EPHA4: variants seen among roughly 807,000 people sequenced by gnomAD.
EPHA4 encodes ephrin type-A receptor 4.
A neutral mutation model predicts 108.3 loss-of-function variants in EPHA4; 19 were observed. That is an observed-to-expected ratio of 0.18 (90% CI 0.12 to 0.26). EPHA4 has a LOEUF of 0.26. EPHA4 is among the 10% of genes least tolerant of loss of function. The pLI is 1.00. For missense variants in EPHA4, 917 were observed against 1,254.0 expected (o/e 0.73, Z 4.06); for synonymous variants, 449 against 455.5 (o/e 0.99, Z 0.18).
At chr2:221,442,688 A>G in intron 11 of EPHA4, 141 bp downstream of exon 11, 1 of 813,586 alleles carries the variant, frequency 1.2e-6, no homozygotes. Flanking sequence ...TGACTACAAG[A>G]TTAATGACTT....
intron 3 of EPHA4, among the ~76,000 whole-genome samples, chr2:221,554,189 A>G (rs1433275999): frequency 6.6e-6 from 1 of 152,178 alleles, no homozygotes; most frequent in Non-Finnish European, 1.5e-5. Flanking sequence ...CTGCTCTTTA[A>G]TCCTAATAAT....
chr2:221,508,751 G>T lies in EPHA4; in HGVS notation c.824-7579C>A, dbSNP rs967971325. On this transcript the variant is annotated intron_variant, in intron 3 of 17. Transcript: ENST00000281821. ...TATAGAAATGGGTAGCTGCCAAAGA[G>T]AAAGGAAAAGAGATGAAGCTCTCAC... Among the ~76,000 whole-genome samples the T allele has an allele frequency of 7.2e-5, 11 of 152,118 alleles. 1 individual carries two copies. Among genetic ancestry groups the T allele is most frequent in the African/African-American group, 2.7e-4 (11 of 41,438 alleles).
intron 16 of EPHA4, 150 bp from the exon 17 acceptor site, chr2:221,426,292 A>T: frequency 9.9e-7 from 1 of 1,012,392 alleles, no homozygotes; most frequent in Non-Finnish European, 1.4e-6. Flanking sequence ...TAAGCAATTT[A>T]ATGCAAGAAT....
chr2:221,500,592 A>C (rs1202965364), intron 4 of EPHA4, among the ~76,000 whole-genome samples: 1 of 152,200 alleles, frequency 6.6e-6, no homozygotes, highest in Non-Finnish European at 1.5e-5. Flanking sequence ...GTGTAATGAC[A>C]ACCTAAGCAA....
At chr2:221,433,223 G>A (rs948231633) in intron 14 of EPHA4, among the ~76,000 whole-genome samples, 6 of 152,148 alleles carry the variant, frequency 3.9e-5, no homozygotes, top group African/African-American at 1.4e-4. Context: ...GTTGTTGGAG[G>A]AAGACAAGGC....
rs373522712 is a variant in EPHA4 at position 221,482,040 on chromosome 2, G to A, written c.1318+312C>T. Among the ~76,000 whole-genome samples, 25 of 152,214 alleles carry A rather than the reference G, an allele frequency of 1.6e-4. No individual in the cohort carries two copies. The South Asian group carries it at 4.8e-3, about 29-fold the overall frequency. Reference sequence around the variant, plus strand: ...CCACCTGAGCCTCCTGAGTAGCTGGGACTACAGGTTTGTACCACCATGCCT... The same window carrying A: ...CCACCTGAGCCTCCTGAGTAGCTGGAACTACAGGTTTGTACCACCATGCCT... On this transcript the variant is annotated intron_variant, in intron 5 of 17. Transcript: ENST00000281821.
In EPHA4 at chr2:221,418,814, C is replaced by G. The variant is rs1689660754; in HGVS notation, c.*2558G>C. The G allele has an allele frequency of 6.6e-6, 1 of 152,530 alleles. No homozygotes were observed. Among genetic ancestry groups the G allele is most frequent in the African/African-American group, 2.4e-5 (1 of 41,422 alleles). The allele number at this position is 152,530 out of a possible 1,614,324, so 9.4% of individuals were successfully genotyped here. A position where few individuals can be genotyped will look rare whatever the true frequency, so the allele number is the denominator to read the frequency against. On this transcript the variant is annotated 3_prime_UTR_variant, in exon 18 of 18. Transcript: ENST00000281821. ...CCAGACCCTGAAGTTGGCCTCCTAC[C>G]CTTACCTCTGGAAAAGATGAACTGC...
intron 3 of EPHA4, among the ~76,000 whole-genome samples, chr2:221,548,429 C>T (rs1024759039): frequency 6.6e-6 from 1 of 152,108 alleles, no homozygotes; most frequent in Non-Finnish European, 1.5e-5. Flanking sequence ...CATGTGAATG[C>T]CTGTTCGCCT....
At chr2:221,552,793 G>A (rs1028887231) in intron 3 of EPHA4, among the ~76,000 whole-genome samples, 4 of 152,104 alleles carry the variant, frequency 2.6e-5, no homozygotes, top group Admixed American at 6.5e-5. Context: ...AATTTTGATC[G>A]AGAAATTTGA....
At chr2:221,468,913 T>C (rs1691395754) in intron 5 of EPHA4, among the ~76,000 whole-genome samples, 1 of 152,284 alleles carries the variant, frequency 6.6e-6, no homozygotes, top group South Asian at 2.1e-4. Context: ...TGATAACTAA[T>C]TCAGAAGTGT....
chr2:221,451,677 A>G (rs1487915774), intron 8 of EPHA4, among the ~76,000 whole-genome samples: 1 of 152,226 alleles, frequency 6.6e-6, no homozygotes, highest in Non-Finnish European at 1.5e-5. Flanking sequence ...CTGAAATTAT[A>G]TCTTGAGTGA....
In EPHA4 at chr2:221,510,084, C is replaced by T. The variant is rs527292490; in HGVS notation, c.824-8912G>A. ...ATTCCTATAGCACAGTGCATGGCTG[C>T]AAGAGGGGAAGATGGAAATGACCAA... On this transcript the variant is annotated intron_variant, in intron 3 of 17. Coordinates refer to ENST00000281821, the MANE Select transcript of EPHA4 (RefSeq NM_004438.5). Among the ~76,000 whole-genome samples, 164 of 152,264 alleles carry T rather than the reference C, an allele frequency of 1.1e-3. No homozygotes were observed. In the Middle Eastern group the frequency reaches 0.017, roughly 16 times the overall value.
chr2:221,489,081 G>A (rs575627047), intron 4 of EPHA4, among the ~76,000 whole-genome samples: 1 of 152,270 alleles, frequency 6.6e-6, no homozygotes, highest in Admixed American at 6.5e-5. Flanking sequence ...CCTAAAGTCA[G>A]AAATGTCTCC....
In EPHA4 at chr2:221,554,279, G is replaced by C. The variant is rs892814270; in HGVS notation, c.823+9452C>G. 2.0e-5 allele frequency among the ~76,000 whole-genome samples: 3 copies of C among 152,202 alleles called. No homozygotes were observed. In the South Asian group the frequency reaches 6.2e-4, roughly 32 times the overall value. On this transcript the variant is annotated intron_variant, in intron 3 of 17. Coordinates refer to ENST00000281821, the MANE Select transcript of EPHA4 (RefSeq NM_004438.5). ...CAAAACCAAAGCTCTTCCACATTTAGATGTTGTTTTAACTGACTTTGCTTT... is the reference window on the plus strand; with the variant it reads ...CAAAACCAAAGCTCTTCCACATTTACATGTTGTTTTAACTGACTTTGCTTT...
At chr2:221,559,945 A>G (rs1313973115) in intron 3 of EPHA4, among the ~76,000 whole-genome samples, 1 of 152,216 alleles carries the variant, frequency 6.6e-6, no homozygotes, top group South Asian at 2.1e-4. Context: ...CCTCTGCTTC[A>G]GAGGGCAAAG....
intron 3 of EPHA4, among the ~76,000 whole-genome samples, chr2:221,539,745 G>A (rs1363594786): frequency 6.6e-6 from 1 of 152,174 alleles, no homozygotes; most frequent in Non-Finnish European, 1.5e-5. Context: ...GGTGGTTTCA[G>A]AGTAGGAGTG....
chr2:221,447,618 A>C (rs995380575), intron 8 of EPHA4, among the ~76,000 whole-genome samples: 1 of 152,030 alleles, frequency 6.6e-6, no homozygotes, highest in Non-Finnish European at 1.5e-5. Flanking sequence ...GCAAATAATA[A>C]AACCTTGCAC....
chr2:221,539,628 G>C (rs535386527), intron 3 of EPHA4, among the ~76,000 whole-genome samples: 1 of 152,112 alleles, frequency 6.6e-6, no homozygotes, highest in Non-Finnish European at 1.5e-5. Context: ...AAAATACAGC[G>C]TAAACTCCTC....
At chr2:221,468,477 G>A (rs1488962497) in intron 5 of EPHA4, among the ~76,000 whole-genome samples, 1 of 152,170 alleles carries the variant, frequency 6.6e-6, no homozygotes, top group Non-Finnish European at 1.5e-5. Flanking sequence ...TAAGCTTGTA[G>A]GCTTCAGGTT....
Sources: gnomAD v4.1 joint callset for allele counts (sites outside exome capture counted in the v4.1 genomes callset) on GRCh38, gnomAD v4.1.1 for gene constraint, MANE v1.5 for transcripts, NCBI Gene and HGNC (gene_info 2026-07-23, HGNC 2026-07-21) for gene names.